PRKN: variants seen among roughly 807,000 people sequenced by gnomAD.
The protein encoded by PRKN is parkin RBR E3 ubiquitin protein ligase.
In PRKN, 56 loss-of-function variants were observed where a neutral mutation model predicts 59.5. The ratio of observed to expected loss-of-function variants is 0.94; its 90% CI spans 0.76 to 1.18. The LOEUF (loss-of-function observed/expected upper bound fraction) is 1.18. Ranked by LOEUF, PRKN falls within the 50% of genes most tolerant of loss-of-function variation. PRKN has a pLI of 0.00. For synonymous variants in PRKN, 250 were observed against 222.1 expected (o/e 1.13, Z -1.12); for missense variants, 657 against 596.4 (o/e 1.10, Z -1.06).
In PRKN at chr6:161,525,546, A is replaced by G. The variant is rs1465972835; in HGVS notation, c.1083+23308T>C. 1.3e-5 allele frequency among the ~76,000 whole-genome samples: 2 copies of G among 152,236 alleles called. No homozygotes were observed. The highest frequency in any genetic ancestry group is 2.9e-5 in the Non-Finnish European group (2 of 68,044). The stretch of plus-strand genomic sequence containing the variant: ...AGGGATGTTTTTATTATAAGATCAG[A>G]GAAGGAAAAATGATCAGAAAGCAAA... On this transcript the variant is annotated intron_variant, in intron 9 of 11. Transcript: ENST00000366898. The surrounding 1 kb of genome is among the most constrained non-coding windows in gnomAD (Gnocchi z 4.7).
At chr6:162,645,044 T>C (rs913961168) in intron 1 of PRKN, among the ~76,000 whole-genome samples, 1 of 152,212 alleles carries the variant, frequency 6.6e-6, no homozygotes, top group Non-Finnish European at 1.5e-5. Flanking sequence ...AACTTTTCTT[T>C]CCGTGGCTTA....
chr6:161,704,290 C>A (rs1314088891), intron 7 of PRKN, among the ~76,000 whole-genome samples: 1 of 152,144 alleles, frequency 6.6e-6, no homozygotes, highest in Non-Finnish European at 1.5e-5. Flanking sequence ...AGCTGTTGGA[C>A]TATTTTCCCC....
chr6:162,338,233 T>A (rs548429960), intron 2 of PRKN, among the ~76,000 whole-genome samples: 1 of 152,232 alleles, frequency 6.6e-6, no homozygotes, highest in South Asian at 2.1e-4. Context: ...AAGTAGTCTC[T>A]GAAAAAGAGT....
chr6:162,688,844 C>T (rs1422611948), intron 1 of PRKN, among the ~76,000 whole-genome samples: 2 of 152,124 alleles, frequency 1.3e-5, no homozygotes, highest in African/African-American at 2.4e-5. Flanking sequence ...GAGCAGGCAT[C>T]TTTATAATTG....
At position 162,011,792 on chromosome 6, in the gene PRKN, A is replaced by G. The variant is rs1472729243; in HGVS notation, c.619-38375T>C. 2.0e-5 allele frequency among the ~76,000 whole-genome samples: 3 copies of G among 151,846 alleles called. No individual in the cohort carries two copies. In the South Asian group the frequency reaches 6.2e-4, roughly 32 times the overall value. ...GTTCTGGGTATTCTAACCATAAGAA[A>G]TAACTGAAAGTGCATAAACCTTTAC... On this transcript the variant is annotated intron_variant, in intron 5 of 11. Coordinates refer to ENST00000366898, the MANE Select transcript of PRKN (RefSeq NM_004562.3).
At chr6:162,322,844 G>A (rs1244713636) in intron 2 of PRKN, among the ~76,000 whole-genome samples, 1 of 151,876 alleles carries the variant, frequency 6.6e-6, no homozygotes, top group African/African-American at 2.4e-5. Context: ...ATGATAGACT[G>A]GATTAAGAAA....
intron 4 of PRKN, among the ~76,000 whole-genome samples, chr6:162,179,579 A>C (rs138063499): frequency 6.6e-6 from 1 of 152,238 alleles, no homozygotes; most frequent in East Asian, 1.9e-4. Context: ...GCATGAGGGG[A>C]CTTTCTGGAA....
intron 3 of PRKN, among the ~76,000 whole-genome samples, chr6:162,205,960 C>T (rs1051793416): frequency 6.6e-5 from 10 of 152,128 alleles, no homozygotes; most frequent in East Asian, 1.9e-4. Flanking sequence ...CAACTGACAA[C>T]GCGGAGACTC....
intron 9 of PRKN, among the ~76,000 whole-genome samples, chr6:161,398,075 G>C (rs78398994): frequency 6.6e-6 from 1 of 152,132 alleles, no homozygotes; most frequent in African/African-American, 2.4e-5. Context: ...ACACTCAAAG[G>C]TTTATGGCTT....
intron 6 of PRKN, among the ~76,000 whole-genome samples, chr6:161,798,416 C>G (rs1337290374): frequency 1.3e-5 from 2 of 152,146 alleles, no homozygotes; most frequent in African/African-American, 2.4e-5. Context: ...GAAACGAGGA[C>G]CTGTGACATC....
chr6:162,054,308 C>T (rs1777770488), intron 4 of PRKN, 134 bp from the exon 5 acceptor site: 1 of 727,078 alleles, frequency 1.4e-6, no homozygotes, highest in East Asian at 2.7e-5. Flanking sequence ...GTGTGGTCTG[C>T]AGACTCTGGG....
At chr6:161,977,210 C>T (rs2128253047) in intron 5 of PRKN, among the ~76,000 whole-genome samples, 1 of 152,272 alleles carries the variant, frequency 6.6e-6, no homozygotes, top group Non-Finnish European at 1.5e-5. Context: ...TAAAAGCTGA[C>T]AGAAGACAAG....
intron 7 of PRKN, among the ~76,000 whole-genome samples, chr6:161,704,754 T>C (rs1399620261): frequency 6.6e-6 from 1 of 152,046 alleles, no homozygotes; most frequent in Non-Finnish European, 1.5e-5. Flanking sequence ...TATCCCTTTC[T>C]CTGTATCCAA....
intron 2 of PRKN, among the ~76,000 whole-genome samples, chr6:162,391,062 A>C (rs1787159009): frequency 6.6e-6 from 1 of 152,196 alleles, no homozygotes; most frequent in South Asian, 2.1e-4. Flanking sequence ...CTTCGCTGTA[A>C]ACTCACGTGG....
Position 162,453,752 on chromosome 6 carries a change from A to C in PRKN, c.8-10279T>G, listed in dbSNP as rs781378258. ...ACCCCATCTCTACTAAAAATATCAA[A>C]ATTAGCTGGGCGTGGTGGCGCACAC... On this transcript the variant is annotated intron_variant, in intron 1 of 11. Coordinates refer to ENST00000366898, the MANE Select transcript of PRKN (RefSeq NM_004562.3). 1.2e-4 allele frequency among the ~76,000 whole-genome samples: 18 copies of C among 152,180 alleles called. No homozygotes were observed. In the Middle Eastern group the frequency reaches 0.01, roughly 86 times the overall value.
chr6:162,551,478 TATAAAA>T (rs1351296398), intron 1 of PRKN, among the ~76,000 whole-genome samples: 12 of 152,374 alleles, frequency 7.9e-5, no homozygotes, highest in African/African-American at 2.6e-4. Context: ...TCTTCCTGAT[TATAAAA>T]ATAAAGTCTT....
chr6:162,487,605 C>G (rs1792606953), intron 1 of PRKN, among the ~76,000 whole-genome samples: 1 of 152,158 alleles, frequency 6.6e-6, no homozygotes. Flanking sequence ...TGGCAAAAAG[C>G]TTCACTAACA....
At chr6:161,740,289 C>G (rs1444053922) in intron 7 of PRKN, among the ~76,000 whole-genome samples, 2 of 152,188 alleles carry the variant, frequency 1.3e-5, no homozygotes, top group Non-Finnish European at 1.5e-5. Flanking sequence ...CGCACTTTGT[C>G]CCTTTGAACC....
chr6:161,427,428 C>T (rs981227753), intron 9 of PRKN, among the ~76,000 whole-genome samples: 2 of 152,154 alleles, frequency 1.3e-5, no homozygotes, highest in Non-Finnish European at 2.9e-5. Context: ...ATAACTTACT[C>T]AAGCCCACCA....
Sources: gnomAD v4.1 joint callset for allele counts (sites outside exome capture counted in the v4.1 genomes callset) on GRCh38, gnomAD v4.1.1 for gene constraint, Gnocchi (gnomAD v3.1) non-coding constraint, MANE v1.5 for transcripts, NCBI Gene and HGNC (gene_info 2026-07-23, HGNC 2026-07-21) for gene names.